CNTNAP5: variants seen among roughly 807,000 people sequenced by gnomAD.
CNTNAP5 encodes the protein contactin associated protein family member 5.
A neutral mutation model predicts 150.2 loss-of-function variants in CNTNAP5; 72 were observed. The observed-to-expected ratio is 0.48, with a 90% CI of 0.40 to 0.58. The LOEUF (loss-of-function observed/expected upper bound fraction) is 0.58. CNTNAP5 is among the 20% of genes least tolerant of loss of function. The probability of loss-of-function intolerance (pLI) is 0.00; values close to 1 mark genes in which losing one functional copy is unlikely to be tolerated. For synonymous variants in CNTNAP5, 672 were observed against 619.8 expected, an observed-to-expected ratio of 1.08 and a Z score of -1.25; for missense variants, 1,636 against 1,626.2, an observed-to-expected ratio of 1.01 and a Z score of -0.10.
intron 21 of CNTNAP5, among the ~76,000 whole-genome samples, chr2:124,878,969 C>A (rs1677914629): frequency 1.3e-5 from 2 of 152,074 alleles, no homozygotes; most frequent in African/African-American, 4.8e-5. Context: ...AGGCATGAGC[C>A]ACCACACCTG....
intron 10 of CNTNAP5, among the ~76,000 whole-genome samples, chr2:124,533,694 T>G (rs1695164318): frequency 6.6e-6 from 1 of 152,206 alleles, no homozygotes; most frequent in Non-Finnish European, 1.5e-5. Flanking sequence ...GAGTTTCTTC[T>G]GCCTCTGAGC....
At chr2:124,216,340 T>C (rs1170603) in intron 1 of CNTNAP5, among the ~76,000 whole-genome samples, 24,712 of 152,088 alleles carry the variant, frequency 0.16, 2,323 homozygotes, top group East Asian at 0.35. Flanking sequence ...ATTTTAAAAA[T>C]AGACTTTTAT....
chr2:124,571,464 A>C (rs6739605), intron 11 of CNTNAP5, among the ~76,000 whole-genome samples: 45,441 of 150,108 alleles, frequency 0.3, 7,124 homozygotes, highest in Middle Eastern at 0.35. Context: ...TGTTTCAGGA[A>C]TAGACTATTC....
intron 3 of CNTNAP5, 21 bp downstream of exon 3, chr2:124,242,414 C>G (rs1451849366): frequency 6.2e-7 from 1 of 1,601,808 alleles, no homozygotes. Context: ...TTTTTCCTTC[C>G]AATGAATAAA....
intron 3 of CNTNAP5, among the ~76,000 whole-genome samples, chr2:124,393,627 TTCAC>T (rs1156699175): frequency 6.6e-6 from 1 of 152,162 alleles, no homozygotes; most frequent in East Asian, 1.9e-4. Flanking sequence ...GTTGTATGGA[TTCAC>T]TCAGCTGTCC....
chr2:124,662,897 T>C (rs1678622210), intron 13 of CNTNAP5, among the ~76,000 whole-genome samples: 1 of 152,230 alleles, frequency 6.6e-6, no homozygotes, highest in African/African-American at 2.4e-5. Context: ...TTCTGGTTCC[T>C]AAATAATCTT....
intron 7 of CNTNAP5, among the ~76,000 whole-genome samples, chr2:124,486,697 G>T (rs1032673920): frequency 3.9e-5 from 6 of 152,106 alleles, no homozygotes; most frequent in Non-Finnish European, 1.5e-5. Context: ...TCTCACAAAT[G>T]TATGAAGTCC....
At chr2:124,839,522 C>G (rs2104690840) in intron 19 of CNTNAP5, among the ~76,000 whole-genome samples, 2 of 152,140 alleles carry the variant, frequency 1.3e-5, no homozygotes, top group South Asian at 4.1e-4. Context: ...CTTGCCTGAA[C>G]TCTACCTCCA....
At chr2:124,105,172 C>T (rs1198568469) in intron 1 of CNTNAP5, among the ~76,000 whole-genome samples, 1 of 152,150 alleles carries the variant, frequency 6.6e-6, no homozygotes, top group African/African-American at 2.4e-5. Flanking sequence ...GTGCATGAAA[C>T]ACTTCATTCC....
At chr2:124,350,616 G>A (rs1689854893) in intron 3 of CNTNAP5, among the ~76,000 whole-genome samples, 1 of 146,784 alleles carries the variant, frequency 6.8e-6, no homozygotes, top group Non-Finnish European at 1.5e-5. Flanking sequence ...AGTTTATGTG[G>A]AGAATGACTT....
intron 4 of CNTNAP5, among the ~76,000 whole-genome samples, chr2:124,433,970 G>A (rs1343885772): frequency 6.6e-6 from 1 of 152,176 alleles, no homozygotes; most frequent in Non-Finnish European, 1.5e-5. Flanking sequence ...CTTTTGCTGA[G>A]TATTTTTTTC....
intron 7 of CNTNAP5, among the ~76,000 whole-genome samples, chr2:124,487,254 A>G (rs1041397850): frequency 1.3e-5 from 2 of 152,238 alleles, no homozygotes; most frequent in Middle Eastern, 3.2e-3. Flanking sequence ...CAGTAGCTAA[A>G]TAAATATCTT....
intron 13 of CNTNAP5, among the ~76,000 whole-genome samples, chr2:124,674,853 G>T (rs1437875800): frequency 6.6e-6 from 1 of 151,704 alleles, no homozygotes; most frequent in Non-Finnish European, 1.5e-5. Context: ...TACTTTTAAT[G>T]ATTTTAATCG....
chr2:124,221,920 C>T (rs1686331610), intron 2 of CNTNAP5, 111 bp downstream of exon 2: 3 of 679,814 alleles, frequency 4.4e-6, no homozygotes, highest in Non-Finnish European at 5.2e-6. Flanking sequence ...TGGCCGTCTT[C>T]AGGAAAATAT....
intron 1 of CNTNAP5, among the ~76,000 whole-genome samples, chr2:124,044,889 AACAC>A (rs147761848): frequency 0.032 from 4,668 of 143,988 alleles, 114 homozygotes; most frequent in African/African-American, 0.071. Flanking sequence ...GTAGTGAGGA[AACAC>A]ACACACACAC....
intron 6 of CNTNAP5, among the ~76,000 whole-genome samples, chr2:124,468,949 A>ATGAT (rs1158334936): frequency 2.6e-5 from 4 of 152,194 alleles, no homozygotes; most frequent in Non-Finnish European, 5.9e-5. Context: ...ATCATGCTGA[A>ATGAT]CTTGAGACAG....
At chr2:124,659,719 C>G (rs889596203) in intron 13 of CNTNAP5, among the ~76,000 whole-genome samples, 2 of 152,118 alleles carry the variant, frequency 1.3e-5, no homozygotes, top group Non-Finnish European at 2.9e-5. Flanking sequence ...GAGCCTATCC[C>G]CCTACAGGCA....
intron 1 of CNTNAP5, among the ~76,000 whole-genome samples, chr2:124,129,362 G>A (rs1042713447): frequency 4.6e-5 from 7 of 152,106 alleles, no homozygotes; most frequent in African/African-American, 7.2e-5. Context: ...TATGGGCTTC[G>A]AGGTTAAGCA....
At chr2:124,268,464 T>A (rs1426467814) in intron 3 of CNTNAP5, among the ~76,000 whole-genome samples, 2 of 152,184 alleles carry the variant, frequency 1.3e-5, no homozygotes, top group Non-Finnish European at 2.9e-5. Flanking sequence ...TACAGTGATG[T>A]AGTGCTCTTC....
Sources: allele counts gnomAD v4.1 joint callset (sites outside exome capture counted in the v4.1 genomes callset), GRCh38; gene constraint gnomAD v4.1.1; transcripts MANE v1.5; gene names NCBI Gene and HGNC (gene_info 2026-07-23, HGNC 2026-07-21).